The following GJE1 variants were observed in gnomAD, a reference collection of about 807,000 sequenced individuals.
The protein encoded by GJE1 is gap junction epsilon-1 protein.
In GJE1, 9 loss-of-function variants were observed where a neutral mutation model predicts 6.2. The ratio of observed to expected loss-of-function variants is 1.45; its 90% confidence interval spans 0.87 to 2.52. The LOEUF is 2.52. Ranked by LOEUF, GJE1 falls within the 30% of genes most tolerant of loss-of-function variation. The probability of loss-of-function intolerance (pLI) is 0.00; values close to 1 mark genes in which losing one functional copy is unlikely to be tolerated. For synonymous variants in GJE1, 65 were observed against 30.1 expected (o/e 2.16, Z -3.80); for missense variants, 190 against 87.7 (o/e 2.17, Z -4.66).
chr6:142,134,847 A>T (rs1476159141), exon 3 of GJE1: 2 of 647,878 alleles, frequency 3.1e-6, no homozygotes, highest in Non-Finnish European at 5.5e-6. Flanking sequence ...CATTTACAAC[A>T]ATTACAATTT....
At chr6:142,133,922 G>A (rs1425337322) in exon 2 of GJE1, 2 of 702,448 alleles carry the variant, frequency 2.8e-6, no homozygotes, top group South Asian at 1.5e-5. Context: ...CTTCCTCGGG[G>A]TGCTAGGCTT....
exon 1 of GJE1, chr6:142,133,157 A>T: frequency 1.5e-6 from 1 of 678,944 alleles, no homozygotes; most frequent in Non-Finnish European, 2.7e-6. Context: ...ATCTCCTGAG[A>T]CATGTCTCTA....
At chr6:142,135,218 A>C (rs1778230244), downstream of GJE1, 1 of 168,988 alleles carries the variant, frequency 5.9e-6, no homozygotes, top group Non-Finnish European at 1.3e-5. Context: ...GGCCAGAGAA[A>C]CTTTTATTGT....
At chr6:142,134,594 C>A (rs9376674) in exon 3 of GJE1, 126,201 of 655,448 alleles carry the variant, frequency 0.19, 13,676 homozygotes, top group Non-Finnish European at 0.23. Context: ...CTTTATGCTG[C>A]ATGTAAAAGC....
At chr6:142,134,927 A>G (rs1283376198) in exon 3 of GJE1, 1 of 548,770 alleles carries the variant, frequency 1.8e-6, no homozygotes, top group Non-Finnish European at 3.2e-6. Context: ...CAATGACCAA[A>G]TAATTACCTA....
At chr6:142,135,148 T>G in exon 3 of GJE1, 1 of 241,036 alleles carries the variant, frequency 4.1e-6, no homozygotes, top group Non-Finnish European at 7.9e-6. Context: ...GTTAATTTAT[T>G]TTTAAACAGT....
At chr6:142,133,899 C>G in exon 2 of GJE1, 1 of 701,936 alleles carries the variant, frequency 1.4e-6, no homozygotes, top group Non-Finnish European at 2.6e-6. Context: ...TTCTTTGGAT[C>G]GATCCGAATA....
rs1778193731 is a variant in GJE1 at position 142,133,841 on chromosome 6, C to T, written c.40-9C>T. On this transcript the variant is annotated splice_polypyrimidine_tract_variant and intron_variant, in intron 1 of 2. Coordinates refer to ENST00000450456, the Ensembl canonical transcript of GJE1. ...TTAAAAGATTTTTTTTCTCCTAAAA[C>T]CATAACAGGTTAAACCTCCAACTGT... 1 of 655,768 alleles carries T rather than the reference C, an allele frequency of 1.5e-6. No individual in the cohort carries two copies. The highest frequency in any genetic ancestry group is 1.8e-5 in the African/African-American group (1 of 56,076). The allele number at this position is 655,768 out of a possible 1,614,324, so 40.6% of individuals were successfully genotyped here.
upstream of GJE1, chr6:142,133,037 G>T (rs565678243): frequency 3.0e-5 from 15 of 496,948 alleles, no homozygotes; most frequent in African/African-American, 2.1e-4. Context: ...AATTTGTAGT[G>T]ATGAGTGTTT....
exon 1 of GJE1, chr6:142,133,148 T>C (rs1186572889): frequency 3.0e-6 from 2 of 670,142 alleles, no homozygotes; most frequent in Non-Finnish European, 5.4e-6. Context: ...CAGGATAACA[T>C]CTCCTGAGAC....
At chr6:142,133,394 T>C (rs563908967) in intron 1 of GJE1, among the ~76,000 whole-genome samples, 197 bp downstream of exon 1, 17 of 152,296 alleles carry the variant, frequency 1.1e-4, no homozygotes, top group African/African-American at 4.1e-4. Context: ...GTTGGTGTTT[T>C]AGTGTGGCTC....
chr6:142,134,380 C>T (rs563443667), intron 2 of GJE1, among the ~76,000 whole-genome samples, 159 bp from the exon 3 acceptor site: 1 of 152,226 alleles, frequency 6.6e-6, no homozygotes, highest in African/African-American at 2.4e-5. Context: ...TTCAACATTA[C>T]TACCTTCATT....
chr6:142,134,072 C>A, intron 2 of GJE1, 28 bp downstream of exon 2: 2 of 589,990 alleles, frequency 3.4e-6, no homozygotes, highest in Non-Finnish European at 6.3e-6. Context: ...AACTCTACAA[C>A]AAACTCATTT....
upstream of GJE1, chr6:142,132,989 G>A (rs1430579253): frequency 4.6e-6 from 2 of 434,448 alleles, no homozygotes; most frequent in Non-Finnish European, 8.2e-6. Flanking sequence ...GGTTGAATGG[G>A]GCCCCAGAGA....
chr6:142,135,128 C>A (rs1051409016), exon 3 of GJE1: 1 of 287,966 alleles, frequency 3.5e-6, no homozygotes, highest in African/African-American at 2.2e-5. Context: ...AAAATATACA[C>A]AGAACTACTG....
chr6:142,133,712 T>A (rs752332945), intron 1 of GJE1, 138 bp from the exon 2 acceptor site: 31 of 466,668 alleles, frequency 6.6e-5, no homozygotes, highest in Non-Finnish European at 8.7e-5. Flanking sequence ...TATATTTGAT[T>A]TGATGATCTC....
exon 3 of GJE1, chr6:142,134,824 A>G (rs1357160131): frequency 1.5e-6 from 1 of 668,966 alleles, no homozygotes; most frequent in Non-Finnish European, 2.7e-6. Flanking sequence ...CATTTTTCTC[A>G]TTGCAATAAA....
chr6:142,133,090 G>A (rs1778173435), exon 1 of GJE1: 1 of 603,794 alleles, frequency 1.7e-6, no homozygotes, highest in Non-Finnish European at 3.0e-6. Flanking sequence ...TTTGATTCTG[G>A]CAGAAGCAAA....
chr6:142,134,560 C>A, exon 3 of GJE1: 1 of 582,400 alleles, frequency 1.7e-6, no homozygotes, highest in South Asian at 2.3e-5. Flanking sequence ...AGTTATTGTC[C>A]TGGTTCCTGG....
Sources: allele counts gnomAD v4.1 joint callset (sites outside exome capture counted in the v4.1 genomes callset), GRCh38; gene constraint gnomAD v4.1.1; transcripts MANE v1.5; gene names NCBI Gene and HGNC (gene_info 2026-07-23, HGNC 2026-07-21).